Variants in BRWD3 observed in about 807,000 individuals in gnomAD.
BRWD3 encodes bromodomain and WD repeat domain containing 3, also known as bromodomain and WD repeat-containing protein 3.
In BRWD3, 10 loss-of-function variants were observed where a neutral mutation model predicts 149.7. The ratio of observed to expected loss-of-function variants is 0.07; its 90% CI spans 0.04 to 0.11. The LOEUF (loss-of-function observed/expected upper bound fraction) is 0.11. BRWD3 is among the 10% of genes least tolerant of loss of function. BRWD3 has a pLI of 1.00. For missense variants in BRWD3, 940 were observed against 1,373.2 expected, an observed-to-expected ratio of 0.68 and a Z score of 4.99; for synonymous variants, 504 against 456.7, an observed-to-expected ratio of 1.10 and a Z score of -1.32.
chrX:80,744,136 T>C lies in BRWD3; in HGVS notation c.709A>G (p.Ile237Val). The C allele has an allele frequency of 8.3e-7, 1 of 1,210,989 alleles. No homozygotes were observed. The highest frequency in any genetic ancestry group is 1.1e-6 in the Non-Finnish European group (1 of 894,863). ...DMAVNYENTLIAAGSCDKVVR... is the reference protein window; with the variant it reads ...DMAVNYENTLVAAGSCDKVVR... ...ACCTTATCACAGCTGCCTGCAGCAATAAGAGTGTTTTCATAGTTAACAGCC... is the reference window on the plus strand; with the variant it reads ...ACCTTATCACAGCTGCCTGCAGCAACAAGAGTGTTTTCATAGTTAACAGCC... The change falls in exon 8 of 41, where the codon ATT (isoleucine) becomes GTT (valine). Residue 237 changes from isoleucine to valine, a missense_variant. By Grantham distance (29) the Ile-to-Val change is conservative (BLOSUM62 3). This residue lies in a region of BRWD3 where 209 missense variants were observed against 396.8 expected (regional missense o/e 0.53). Coordinates refer to ENST00000373275, the MANE Select transcript of BRWD3 (RefSeq NM_153252.5).
intron 14 of BRWD3, among the ~76,000 whole-genome samples, chrX:80,725,639 A>G (rs1489115477): frequency 1.8e-5 from 2 of 112,077 alleles, no homozygotes; most frequent in East Asian, 2.8e-4. Flanking sequence ...TGTCTATATA[A>G]CATATAACAT....
At chrX:80,798,020 G>A (rs768821221) in intron 4 of BRWD3, among the ~76,000 whole-genome samples, 46 of 110,498 alleles carry the variant, frequency 4.2e-4, no homozygotes, top group Non-Finnish European at 5.9e-4. Flanking sequence ...ACTTGAACCC[G>A]GGAGGCAGAG....
At chrX:80,776,957 A>T (rs185661324) in intron 6 of BRWD3, among the ~76,000 whole-genome samples, 1 of 111,030 alleles carries the variant, frequency 9.0e-6, no homozygotes, top group East Asian at 2.8e-4. Context: ...CATCCCTCTT[A>T]TCCAGAGGCC....
chrX:80,736,205 A>C, intron 8 of BRWD3, 117 bp from the exon 9 acceptor site: 1 of 499,367 alleles, frequency 2.0e-6, no homozygotes, highest in Middle Eastern at 6.2e-4. Context: ...AAATTCAGCT[A>C]AAAATTTTTG....
chrX:80,771,813 G>A (rs959694844), intron 6 of BRWD3, among the ~76,000 whole-genome samples: 15 of 111,845 alleles, frequency 1.3e-4, no homozygotes, highest in African/African-American at 4.2e-4. Context: ...CAAAGGATAT[G>A]AACAGACACT....
rs1278293171 is a variant in BRWD3, at chrX:80,731,208, C to A, written c.1128-1188G>T. Among the ~76,000 whole-genome samples, 3 of 111,228 alleles carry A rather than the reference C, an allele frequency of 2.7e-5. No individual in the cohort carries two copies. In the East Asian group the frequency reaches 8.4e-4, roughly 31 times the overall value. Reference sequence around the variant, plus strand: ...GGATTATCATTTTTCATTATCTTGTCATTCTGAAAGAAAAAAAAGTGACTG... The same window carrying A: ...GGATTATCATTTTTCATTATCTTGTAATTCTGAAAGAAAAAAAAGTGACTG... On this transcript the variant is annotated intron_variant, in intron 12 of 40. Coordinates refer to ENST00000373275, the MANE Select transcript of BRWD3 (RefSeq NM_153252.5).
chrX:80,676,550 TA>T lies in BRWD3; in HGVS notation c.*58del. 8.5e-7 allele frequency: 1 copy of T among 1,177,252 alleles called. No individual in the cohort carries two copies. Among genetic ancestry groups the T allele is most frequent in the Non-Finnish European group, 1.2e-6 (1 of 869,225 alleles). On this transcript the variant is annotated 3_prime_UTR_variant, in exon 41 of 41. Transcript: ENST00000373275. ...ACAACTTGCTTTGTAGATTTCCTGG[TA>T]AATTCCCTGCAGTAGAAGGCCATTG...
At chrX:80,703,718 T>TA (rs1336822430) in intron 23 of BRWD3, 125 bp from the exon 24 acceptor site, 3 of 454,816 alleles carry the variant, frequency 6.6e-6, no homozygotes, top group Non-Finnish European at 1.1e-5. Flanking sequence ...CAATGAAACC[T>TA]AAAGTATATA....
At chrX:80,688,258 A>C in intron 33 of BRWD3, 133 bp from the exon 34 acceptor site, 1 of 528,125 alleles carries the variant, frequency 1.9e-6, no homozygotes. Context: ...AGTAGAACAA[A>C]AGATAGAGGG....
At chrX:80,683,552 T>C (rs987882326) in intron 37 of BRWD3, among the ~76,000 whole-genome samples, 3 of 111,761 alleles carry the variant, frequency 2.7e-5, no homozygotes, top group Non-Finnish European at 5.7e-5. Context: ...AAAGAAAAAC[T>C]TGATTACTAT....
intron 6 of BRWD3, among the ~76,000 whole-genome samples, chrX:80,772,469 C>T (rs979840282): frequency 9.1e-6 from 1 of 110,342 alleles, no homozygotes; most frequent in Admixed American, 9.7e-5. Flanking sequence ...GGCCTGTCGT[C>T]GGGTGGAGGC....
intron 6 of BRWD3, among the ~76,000 whole-genome samples, chrX:80,774,724 T>C (rs913588589): frequency 3.6e-5 from 4 of 111,452 alleles, no homozygotes; most frequent in Admixed American, 2.9e-4. Context: ...TTATTCTTCC[T>C]CTTTTATGTC....
intron 20 of BRWD3, among the ~76,000 whole-genome samples, chrX:80,713,175 C>T (rs1490723236): frequency 9.0e-6 from 1 of 110,889 alleles, no homozygotes; most frequent in Non-Finnish European, 1.9e-5. Flanking sequence ...CGGCCACCAC[C>T]CCGTCTGGGA....
At chrX:80,710,084 G>C (rs1003600300) in intron 20 of BRWD3, 22 of 844,778 alleles carry the variant, frequency 2.6e-5, no homozygotes, top group Non-Finnish European at 3.9e-5. Context: ...ATCGGAGCTT[G>C]CAGCTCATCA....
At chrX:80,730,896 C>A (rs958261490) in intron 12 of BRWD3, among the ~76,000 whole-genome samples, 1 of 111,757 alleles carries the variant, frequency 8.9e-6, no homozygotes, top group African/African-American at 3.2e-5. Context: ...ACTACTATCA[C>A]TTTTAATAAG....
chrX:80,777,627 G>A (rs1431611148), intron 6 of BRWD3, among the ~76,000 whole-genome samples: 2 of 110,689 alleles, frequency 1.8e-5, no homozygotes, highest in Non-Finnish European at 3.8e-5. Flanking sequence ...TCGAACTCCT[G>A]GGCTCAAGTG....
At chrX:80,808,884 C>T in intron 3 of BRWD3, 129 bp downstream of exon 3, 3 of 755,722 alleles carry the variant, frequency 4.0e-6, no homozygotes, top group South Asian at 4.6e-5. Flanking sequence ...GCCAATTCAC[C>T]CCGGTGACAA....
In BRWD3 at chrX:80,784,539, C is replaced by T. The variant is rs750204602; in HGVS notation, c.430+7315G>A. Among the ~76,000 whole-genome samples, 3 of 111,159 alleles carry T rather than the reference C, an allele frequency of 2.7e-5. No individual in the cohort carries two copies. In the East Asian group the frequency reaches 8.5e-4, roughly 31 times the overall value. On this transcript the variant is annotated intron_variant, in intron 6 of 40. Transcript: ENST00000373275. ...GCTATTTCTCCTGATGCTTTCCCTT[C>T]CCTCACCCCCACAAGAGGCCCTGGT...
rs1390026999 is a variant in BRWD3 at position 80,677,184 on chromosome X, T to C, written c.4834A>G (p.Ser1612Gly). 1 of 1,209,969 alleles carries C rather than the reference T, an allele frequency of 8.3e-7. No individual in the cohort carries two copies. The highest frequency in any genetic ancestry group is 1.1e-6 in the Non-Finnish European group (1 of 895,152). ...STSESGELGS[S>G]LSSESTCGSD... ...CCACAGGTACTTTCAGAACTTAAAC[T>C]GGATCCTAACTCTCCACTCTCTGAG... is the stretch of plus-strand genomic sequence containing the variant. The change falls in exon 41 of 41, where the codon AGT becomes GGT. Residue 1612 changes from serine (S) to glycine (G), a missense_variant. By Grantham distance (56) the Ser-to-Gly change is moderately conservative. Transcript: ENST00000373275.
Sources: allele counts gnomAD v4.1 joint callset (sites outside exome capture counted in the v4.1 genomes callset), GRCh38; gene constraint gnomAD v4.1.1; regional missense constraint gnomAD v4.1.1; transcripts MANE v1.5; gene names NCBI Gene and HGNC (gene_info 2026-07-23, HGNC 2026-07-21).